ROBO2: variants seen among roughly 807,000 people sequenced by gnomAD.
ROBO2 encodes roundabout guidance receptor 2, also known as roundabout homolog 2.
ROBO2 carries 53 observed loss-of-function variants against 160.8 expected under a neutral mutation model. The ratio of observed to expected loss-of-function variants is 0.33; its 90% CI spans 0.26 to 0.41. ROBO2 has a LOEUF of 0.41. Ranked by LOEUF, ROBO2 falls within the 10% of genes least tolerant of loss-of-function variation. ROBO2 has a pLI of 1.00. For synonymous variants in ROBO2, 664 were observed against 611.7 expected (o/e 1.09, Z -1.26); for missense variants, 1,577 against 1,722.4 (o/e 0.92, Z 1.49).
At chr3:76,183,240 G>A (rs184542968) in intron 2 of ROBO2, among the ~76,000 whole-genome samples, 1 of 146,004 alleles carries the variant, frequency 6.8e-6, no homozygotes, top group Admixed American at 8.1e-5. Context: ...CAGAGGTCCT[G>A]GAGACAGCAA....
intron 2 of ROBO2, among the ~76,000 whole-genome samples, chr3:76,422,216 C>A (rs1358239881): frequency 1.3e-5 from 2 of 152,094 alleles, no homozygotes; most frequent in African/African-American, 2.4e-5. Flanking sequence ...TTTTTATAAG[C>A]TTACTTTTCA....
intron 2 of ROBO2, among the ~76,000 whole-genome samples, chr3:77,398,413 A>G (rs997586538): frequency 1.3e-5 from 2 of 152,052 alleles, no homozygotes; most frequent in African/African-American, 2.4e-5. Context: ...AATCAGAGAG[A>G]TACAATCAGA....
intron 2 of ROBO2, among the ~76,000 whole-genome samples, chr3:76,073,284 T>C (rs2068527376): frequency 3.3e-5 from 2 of 60,290 alleles, no homozygotes; most frequent in African/African-American, 8.8e-5. Flanking sequence ...TTTTTTTTTT[T>C]TTTTTTTTTT....
At chr3:77,331,634 T>C (rs1003522996) in intron 2 of ROBO2, among the ~76,000 whole-genome samples, 5 of 152,182 alleles carry the variant, frequency 3.3e-5, no homozygotes, top group Admixed American at 3.3e-4. Context: ...TTTCTACTTA[T>C]TCAGTTGAAT....
chr3:76,044,443 A>G (rs1344116557), intron 2 of ROBO2, among the ~76,000 whole-genome samples: 1 of 152,082 alleles, frequency 6.6e-6, no homozygotes, highest in Non-Finnish European at 1.5e-5. Flanking sequence ...ACACATGGTG[A>G]CATTCACTAC....
intron 2 of ROBO2, among the ~76,000 whole-genome samples, chr3:77,246,789 A>G (rs1172954837): frequency 2.0e-5 from 3 of 152,208 alleles, no homozygotes; most frequent in Admixed American, 6.5e-5. Context: ...TTAATTAAAT[A>G]AATGCCATTT....
chr3:76,831,958 T>C (rs1346633674), intron 2 of ROBO2, among the ~76,000 whole-genome samples: 1 of 152,178 alleles, frequency 6.6e-6, no homozygotes, highest in Non-Finnish European at 1.5e-5. Flanking sequence ...CTTACTTCTT[T>C]AATCCAGTTA....
chr3:76,741,448 G>C (rs879495898), intron 2 of ROBO2, among the ~76,000 whole-genome samples: 2 of 152,006 alleles, frequency 1.3e-5, no homozygotes, highest in Non-Finnish European at 2.9e-5. Context: ...CATAAGTGAA[G>C]ATGCCCTTGC....
intron 1 of ROBO2, among the ~76,000 whole-genome samples, chr3:77,047,668 C>T (rs1174670681): frequency 1.3e-5 from 2 of 149,446 alleles, no homozygotes; most frequent in Admixed American, 6.7e-5. Flanking sequence ...GCCTAGGCAA[C>T]GGGCAAAACT....
chr3:76,840,635 T>C (rs2324692), intron 2 of ROBO2, among the ~76,000 whole-genome samples: 1 of 95,990 alleles, frequency 1.0e-5, no homozygotes, highest in Non-Finnish European at 2.0e-5. Context: ...ATATATATAT[T>C]AATTATATTT....
At chr3:76,516,783 C>G (rs2081366793) in intron 2 of ROBO2, among the ~76,000 whole-genome samples, 1 of 152,080 alleles carries the variant, frequency 6.6e-6, no homozygotes, top group Non-Finnish European at 1.5e-5. Context: ...AAACAGTATT[C>G]ATAAGAAGCA....
chr3:77,596,163 C>T (rs892371270), intron 18 of ROBO2, among the ~76,000 whole-genome samples: 1 of 152,102 alleles, frequency 6.6e-6, no homozygotes, highest in Non-Finnish European at 1.5e-5. Context: ...ACTTCAGTTC[C>T]TTGCCTCCAA....
At chr3:76,494,055 A>G in intron 2 of ROBO2, among the ~76,000 whole-genome samples, 1 of 152,176 alleles carries the variant, frequency 6.6e-6, no homozygotes, top group East Asian at 1.9e-4. Context: ...TGTTCACAGC[A>G]GCACCAACCA....
intron 23 of ROBO2, chr3:77,629,907 G>A (rs1222722079): frequency 6.6e-6 from 1 of 152,130 alleles, no homozygotes; most frequent in Non-Finnish European, 1.5e-5. Flanking sequence ...ACATGAAATA[G>A]TTCCTAATCT....
chr3:75,933,604 G>T (rs192897430), intron 1 of ROBO2, among the ~76,000 whole-genome samples: 19 of 152,050 alleles, frequency 1.2e-4, no homozygotes, highest in Middle Eastern at 3.4e-3. Flanking sequence ...GAAATTGCCA[G>T]TCTGAAGACA....
chr3:76,466,115 C>G (rs1293363259), intron 2 of ROBO2, among the ~76,000 whole-genome samples: 5 of 151,044 alleles, frequency 3.3e-5, no homozygotes, highest in Non-Finnish European at 4.4e-5. Flanking sequence ...AACAAAGTAC[C>G]TATATTGCAT....
chr3:75,909,623 T>G (rs1260716759), intron 1 of ROBO2, among the ~76,000 whole-genome samples: 1 of 152,148 alleles, frequency 6.6e-6, no homozygotes, highest in Non-Finnish European at 1.5e-5. Flanking sequence ...ATGACTTAAA[T>G]TTTCTGGAAT....
chr3:75,909,395 A>G (rs1331864079), intron 1 of ROBO2, among the ~76,000 whole-genome samples: 1 of 152,172 alleles, frequency 6.6e-6, no homozygotes, highest in African/African-American at 2.4e-5. Context: ...TAGCTATGAA[A>G]CTTTTTGGAG....
intron 2 of ROBO2, among the ~76,000 whole-genome samples, chr3:76,602,697 G>A (rs2087250345): frequency 6.6e-6 from 1 of 152,244 alleles, no homozygotes; most frequent in Non-Finnish European, 1.5e-5. Flanking sequence ...TACAATTCAA[G>A]ATGAGATTTG....
Sources: gnomAD v4.1 joint callset for allele counts (sites outside exome capture counted in the v4.1 genomes callset) on GRCh38, gnomAD v4.1.1 for gene constraint, MANE v1.5 for transcripts, NCBI Gene and HGNC (gene_info 2026-07-23, HGNC 2026-07-21) for gene names.